ROBO1: variants seen among roughly 807,000 people sequenced by gnomAD.
The protein encoded by ROBO1 is roundabout homolog 1.
A neutral mutation model predicts 195.9 loss-of-function variants in ROBO1; 149 were observed. The observed-to-expected ratio is 0.76, with a 90% CI of 0.67 to 0.87. The LOEUF (loss-of-function observed/expected upper bound fraction) is 0.87. Among genes scored for constraint, ROBO1 ranks in the 40% least tolerant of loss-of-function variants. The pLI is 0.00. For missense variants in ROBO1, 1,933 were observed against 2,068.3 expected, an observed-to-expected ratio of 0.93 and a Z score of 1.27; for synonymous variants, 816 against 733.2, an observed-to-expected ratio of 1.11 and a Z score of -1.82.
chr3:78,810,801 G>C (rs2084713959), intron 4 of ROBO1, among the ~76,000 whole-genome samples: 1 of 152,000 alleles, frequency 6.6e-6, no homozygotes, highest in African/African-American at 2.4e-5. Context: ...TTTGCCTGGA[G>C]ATAAACACCT....
At chr3:79,714,570 T>C (rs1446580251) in intron 1 of ROBO1, among the ~76,000 whole-genome samples, 2 of 151,712 alleles carry the variant, frequency 1.3e-5, no homozygotes, top group Admixed American at 1.3e-4. Context: ...TGTGGCACTA[T>C]TCACAATAGC....
intron 3 of ROBO1, among the ~76,000 whole-genome samples, chr3:78,961,947 T>TG (rs563590678): frequency 1.5e-3 from 225 of 152,040 alleles, no homozygotes; most frequent in African/African-American, 5.3e-3. Context: ...TTTTGTTTTT[T>TG]TTTTTTACCT....
chr3:78,688,593 A>C, intron 9 of ROBO1, 55 bp downstream of exon 9: 1 of 1,492,670 alleles, frequency 6.7e-7, no homozygotes, highest in African/African-American at 1.4e-5. Context: ...CTTCTCATAC[A>C]TCTTGGCAAC....
intron 2 of ROBO1, among the ~76,000 whole-genome samples, chr3:79,140,460 T>G (rs1257914857): frequency 6.6e-6 from 1 of 152,142 alleles, no homozygotes; most frequent in Non-Finnish European, 1.5e-5. Flanking sequence ...CCTCAGTTTC[T>G]TCAACTATAA....
At chr3:79,594,144 A>C (rs1944090744) in intron 1 of ROBO1, among the ~76,000 whole-genome samples, 1 of 151,988 alleles carries the variant, frequency 6.6e-6, no homozygotes. Flanking sequence ...CCCCTATTTT[A>C]GGATATAACG....
intron 8 of ROBO1, among the ~76,000 whole-genome samples, chr3:78,689,850 T>G (rs2081132528): frequency 1.3e-5 from 2 of 151,940 alleles, no homozygotes; most frequent in Admixed American, 1.3e-4. Flanking sequence ...TGAATCAAAT[T>G]AGATTCAGAT....
intron 2 of ROBO1, among the ~76,000 whole-genome samples, chr3:79,320,042 T>C (rs1391873680): frequency 6.6e-6 from 1 of 152,208 alleles, no homozygotes; most frequent in Non-Finnish European, 1.5e-5. Flanking sequence ...ACATATGTAA[T>C]GTCTTAATCA....
intron 2 of ROBO1, among the ~76,000 whole-genome samples, chr3:79,198,956 C>A (rs996403143): frequency 1.2e-4 from 18 of 151,976 alleles, no homozygotes; most frequent in African/African-American, 4.1e-4. Flanking sequence ...TCTAAGTATA[C>A]AATCAAGTCA....
intron 4 of ROBO1, among the ~76,000 whole-genome samples, chr3:78,882,641 A>G (rs331190): frequency 0.45 from 68,982 of 151,868 alleles, 17,879 homozygotes; most frequent in African/African-American, 0.72. Context: ...CAATGTCAGT[A>G]TATCCATCCT....
At chr3:79,441,493 T>C (rs2039052903) in intron 2 of ROBO1, among the ~76,000 whole-genome samples, 1 of 152,146 alleles carries the variant, frequency 6.6e-6, no homozygotes, top group African/African-American at 2.4e-5. Context: ...GCAATGTCTT[T>C]TGGTGATTAT....
chr3:78,623,729 C>T (rs1375921299), intron 26 of ROBO1, among the ~76,000 whole-genome samples: 3 of 152,116 alleles, frequency 2.0e-5, no homozygotes, highest in Admixed American at 6.6e-5. Context: ...GCTGTCGGAA[C>T]TAGGAAAGTG....
intron 2 of ROBO1, among the ~76,000 whole-genome samples, chr3:79,358,881 A>C (rs900283969): frequency 1.3e-5 from 2 of 152,032 alleles, no homozygotes; most frequent in African/African-American, 4.8e-5. Context: ...CTATTGACGT[A>C]TTTTACTGTC....
intron 26 of ROBO1, 109 bp from the exon 27 acceptor site, chr3:78,618,150 G>A: frequency 8.6e-7 from 1 of 1,163,622 alleles, no homozygotes; most frequent in Middle Eastern, 2.4e-4. Flanking sequence ...TACTTCTTTT[G>A]AGCTCATATG....
At chr3:79,614,744 C>T (rs1054129364) in intron 1 of ROBO1, among the ~76,000 whole-genome samples, 4 of 152,108 alleles carry the variant, frequency 2.6e-5, no homozygotes, top group Admixed American at 6.5e-5. Flanking sequence ...GATCACAAGA[C>T]TCAATATCAT....
rs147869623 is a variant in ROBO1, at chr3:79,596,585, A to C, written c.-50-6624T>G. 9.6e-4 allele frequency among the ~76,000 whole-genome samples: 146 copies of C among 152,212 alleles called. 3 individuals are homozygous for C. The East Asian group carries it at 0.027, about 28-fold the overall frequency. On this transcript the variant is annotated intron_variant, in intron 1 of 30. Transcript: ENST00000464233. ...CAGTTTACCTATGTATTAATCTATT[A>C]ATGTATGATGTATTAATTATTATTA...
At chr3:78,643,940 A>G (rs746346217) in intron 21 of ROBO1, among the ~76,000 whole-genome samples, 3 of 152,112 alleles carry the variant, frequency 2.0e-5, no homozygotes, top group Non-Finnish European at 2.9e-5. Context: ...CAGGAGGTCC[A>G]AGAGGATGGC....
chr3:79,180,830 A>G (rs1397653682), intron 2 of ROBO1, among the ~76,000 whole-genome samples: 2 of 151,992 alleles, frequency 1.3e-5, no homozygotes, highest in Non-Finnish European at 2.9e-5. Context: ...CTATGGCCTG[A>G]TTTCAGAAGG....
chr3:79,074,379 T>C (rs1388548296), intron 3 of ROBO1, among the ~76,000 whole-genome samples: 1 of 151,946 alleles, frequency 6.6e-6, no homozygotes, highest in African/African-American at 2.4e-5. Context: ...GCGAGGTTAA[T>C]AAGTTTGGTT....
At chr3:79,354,334 A>G (rs529330384) in intron 2 of ROBO1, among the ~76,000 whole-genome samples, 7 of 152,294 alleles carry the variant, frequency 4.6e-5, no homozygotes, top group Admixed American at 2.0e-4. Flanking sequence ...ACTTGATTTC[A>G]TCAGAATGCC....
Sources: allele counts gnomAD v4.1 joint callset (sites outside exome capture counted in the v4.1 genomes callset), GRCh38; gene constraint gnomAD v4.1.1; transcripts MANE v1.5; gene names NCBI Gene and HGNC (gene_info 2026-07-23, HGNC 2026-07-21).